Variants in PTPRD observed in about 807,000 individuals in gnomAD.
The protein encoded by PTPRD is receptor-type tyrosine-protein phosphatase delta.
Under a neutral mutation model 214.5 loss-of-function variants are expected in PTPRD, and 34 were observed. The ratio of observed to expected loss-of-function variants is 0.16; its 90% CI spans 0.12 to 0.21. The LOEUF is 0.21. Among genes scored for constraint, PTPRD ranks in the 10% least tolerant of loss-of-function variants. The probability of loss-of-function intolerance (pLI) is 1.00; values close to 1 mark genes in which losing one functional copy is unlikely to be tolerated. For synonymous variants in PTPRD, 1,128 were observed against 845.7 expected (o/e 1.33, Z -5.79); for missense variants, 2,545 against 2,398.7 (o/e 1.06, Z -1.27).
chr9:10,479,652 A>AATAC (rs1555402851), intron 2 of PTPRD, among the ~76,000 whole-genome samples: 1 of 124,096 alleles, frequency 8.1e-6, no homozygotes, highest in Admixed American at 8.0e-5. Flanking sequence ...TAAATAAATA[A>AATAC]ATAAATAAAC....
chr9:10,316,756 C>A (rs1165055412), intron 3 of PTPRD, among the ~76,000 whole-genome samples: 1 of 151,852 alleles, frequency 6.6e-6, no homozygotes, highest in Admixed American at 6.6e-5. Flanking sequence ...TTATTCTAAT[C>A]TAAAAAAGAT....
chr9:9,646,316 TGG>T (rs1017986390), intron 7 of PTPRD, among the ~76,000 whole-genome samples: 213 of 142,166 alleles, frequency 1.5e-3, no homozygotes, highest in East Asian at 5.7e-3. Flanking sequence ...TGTGTGTGTG[TGG>T]GTGTGTGTGT....
At chr9:9,528,890 AG>A (rs2074792561) in intron 8 of PTPRD, among the ~76,000 whole-genome samples, 1 of 151,338 alleles carries the variant, frequency 6.6e-6, no homozygotes, top group Non-Finnish European at 1.5e-5. Context: ...AAAATATAGG[AG>A]AAAAATATGT....
chr9:9,379,881 G>C (rs535835486), intron 9 of PTPRD, among the ~76,000 whole-genome samples: 2 of 151,818 alleles, frequency 1.3e-5, no homozygotes, highest in African/African-American at 2.4e-5. Context: ...TCTTAACCTT[G>C]TATATGGAAT....
At chr9:9,329,203 G>A (rs768934804) in intron 9 of PTPRD, among the ~76,000 whole-genome samples, 4 of 151,960 alleles carry the variant, frequency 2.6e-5, no homozygotes, top group Non-Finnish European at 5.9e-5. Context: ...GGATAATATG[G>A]CTGGCTACTT....
chr9:10,178,610 TC>T lies in PTPRD; in HGVS notation c.-544-144821del, dbSNP rs748164210. 2.0e-5 allele frequency among the ~76,000 whole-genome samples: 3 copies of T among 152,054 alleles called. No individual in the cohort carries two copies. The East Asian group carries it at 5.8e-4, about 29-fold the overall frequency. On this transcript the variant is annotated intron_variant, in intron 3 of 45. Coordinates refer to ENST00000381196, the MANE Select transcript of PTPRD (RefSeq NM_002839.4). Reference sequence around the variant, plus strand: ...AAGAACAAACTATTAAGTTGGAAGATCAAATTGCTGGCCTCCTACACAATGA... The same window carrying T: ...AAGAACAAACTATTAAGTTGGAAGATAAATTGCTGGCCTCCTACACAATGA...
At chr9:8,330,066 C>CTGGGCCAGAGTGTACT (rs1196878448) in intron 44 of PTPRD, among the ~76,000 whole-genome samples, 4 of 152,162 alleles carry the variant, frequency 2.6e-5, no homozygotes, top group African/African-American at 9.7e-5. Flanking sequence ...AGTGCAGTAT[C>CTGGGCCAGAGTGTACT]TGGGCCAGAG....
At chr9:9,263,976 T>C (rs775282452) in intron 9 of PTPRD, among the ~76,000 whole-genome samples, 3 of 151,610 alleles carry the variant, frequency 2.0e-5, no homozygotes, top group East Asian at 2.0e-4. Flanking sequence ...AAGAGACTCA[T>C]CCATAGAAAA....
At chr9:9,230,677 G>A (rs569397382) in intron 9 of PTPRD, among the ~76,000 whole-genome samples, 1 of 152,182 alleles carries the variant, frequency 6.6e-6, no homozygotes, top group African/African-American at 2.4e-5. Flanking sequence ...TTGGAGAATT[G>A]CTTGGTACGG....
At chr9:8,434,972 A>C (rs1286820940) in intron 35 of PTPRD, among the ~76,000 whole-genome samples, 1 of 152,228 alleles carries the variant, frequency 6.6e-6, no homozygotes, top group Non-Finnish European at 1.5e-5. Context: ...ATCCGGTGTG[A>C]ATTTTCCTAG....
intron 8 of PTPRD, among the ~76,000 whole-genome samples, chr9:9,434,066 T>C (rs772581932): frequency 1.3e-5 from 2 of 152,314 alleles, no homozygotes; most frequent in Non-Finnish European, 2.9e-5. Context: ...ATTCTGTCAG[T>C]CTGCGGTTTT....
Position 8,497,254 on chromosome 9 carries a change from A to C in PTPRD, c.2337T>G (p.Asp779Glu), listed in dbSNP as rs1240271647. 1 of 1,595,538 alleles carries C rather than the reference A, an allele frequency of 6.3e-7. No individual in the cohort carries two copies. The highest frequency in any genetic ancestry group is 2.3e-5 in the East Asian group (1 of 44,306). Residue 779 changes from aspartate (D) to glutamate (E), a missense_variant, in exon 26 of 46, where the codon GAT becomes GAG. Coordinates refer to ENST00000381196, the MANE Select transcript of PTPRD (RefSeq NM_002839.4). ...MLADAQWEFD[D>E]TTEHDMIISG... ...AAAAATTACTCACATGTTCAGTAGTATCATCAAATTCCCACTGATTGAGAA... is the reference window on the plus strand; with the variant it reads ...AAAAATTACTCACATGTTCAGTAGTCTCATCAAATTCCCACTGATTGAGAA...
chr9:8,909,757 A>C (rs2098733840), intron 11 of PTPRD, among the ~76,000 whole-genome samples: 1 of 151,676 alleles, frequency 6.6e-6, no homozygotes, highest in Admixed American at 6.6e-5. Context: ...ACATAGAGAT[A>C]GAGATAGAGA....
At chr9:9,804,827 T>C (rs1006060959) in intron 5 of PTPRD, among the ~76,000 whole-genome samples, 1 of 151,328 alleles carries the variant, frequency 6.6e-6, no homozygotes, top group Non-Finnish European at 1.5e-5. Flanking sequence ...TATAATATTA[T>C]GTTAAATTTC....
At chr9:9,658,831 A>G (rs901053612) in intron 7 of PTPRD, among the ~76,000 whole-genome samples, 10 of 152,072 alleles carry the variant, frequency 6.6e-5, no homozygotes, top group Non-Finnish European at 1.2e-4. Flanking sequence ...TGTCACAACA[A>G]TTCTTGGTGC....
At chr9:9,278,157 T>C (rs888514075) in intron 9 of PTPRD, among the ~76,000 whole-genome samples, 2 of 151,362 alleles carry the variant, frequency 1.3e-5, no homozygotes, top group African/African-American at 2.4e-5. Flanking sequence ...TAGTAACCAA[T>C]ATACTATGAT....
chr9:8,756,773 T>TA (rs1001626184), intron 11 of PTPRD, among the ~76,000 whole-genome samples: 88 of 151,808 alleles, frequency 5.8e-4, no homozygotes, highest in African/African-American at 1.9e-3. Context: ...AAAAAATAAT[T>TA]AAAAAAAAAT....
intron 2 of PTPRD, among the ~76,000 whole-genome samples, chr9:10,487,352 G>C (rs1028699665): frequency 2.6e-5 from 4 of 152,068 alleles, no homozygotes; most frequent in Non-Finnish European, 5.9e-5. Context: ...TTTTCTGTTT[G>C]TTTTCTGATC....
chr9:8,331,853 G>A (rs1253533913), intron 43 of PTPRD, 117 bp from the exon 44 acceptor site: 2 of 1,242,746 alleles, frequency 1.6e-6, no homozygotes, highest in African/African-American at 3.0e-5. Flanking sequence ...GGTAGAAAAA[G>A]TTAGGAACAT....
Sources: allele counts gnomAD v4.1 joint callset (sites outside exome capture counted in the v4.1 genomes callset), GRCh38; gene constraint gnomAD v4.1.1; transcripts MANE v1.5; gene names NCBI Gene and HGNC (gene_info 2026-07-23, HGNC 2026-07-21).